Variants in CELSR3 observed in about 807,000 individuals in gnomAD.
The protein encoded by CELSR3 is EGF-like protein 1.
CELSR3 carries 73 observed loss-of-function variants against 270.0 expected under a neutral mutation model. That is an observed-to-expected ratio of 0.27 (90% CI 0.22 to 0.33). The LOEUF (loss-of-function observed/expected upper bound fraction) is 0.33. Among genes scored for constraint, CELSR3 ranks in the 10% least tolerant of loss-of-function variants. The pLI is 1.00. For synonymous variants in CELSR3, 1,780 were observed against 1,905.4 expected, an observed-to-expected ratio of 0.93 and a Z score of 1.71; for missense variants, 3,614 against 4,533.8, an observed-to-expected ratio of 0.80 and a Z score of 5.83.
Position 48,641,828 on chromosome 3 carries a change from A to C in CELSR3, c.8824+23T>G, listed in dbSNP as rs774848061. 1 of 1,442,210 alleles carries C rather than the reference A, an allele frequency of 6.9e-7. No individual in the cohort carries two copies. Among genetic ancestry groups the C allele is most frequent in the East Asian group, 2.5e-5 (1 of 39,390 alleles). 89.3% of individuals were successfully genotyped at this position (1,442,210 alleles called of 1,614,324 possible). ...AAATGGGGCATCCCTTGGTCACCCA[A>C]GGGGTCAGAGGGCGCCTGGCACCTT... On this transcript the variant is annotated intron_variant, in intron 32 of 34. Coordinates refer to ENST00000164024, the MANE Select transcript of CELSR3 (RefSeq NM_001407.3). The surrounding 1 kb of genome is among the most constrained non-coding windows in gnomAD (Gnocchi z 4.8).
chr3:48,646,843 G>C lies in CELSR3; in HGVS notation c.7215C>G (p.Ile2405Met). 1.9e-6 allele frequency: 3 copies of C among 1,601,664 alleles called. No individual in the cohort carries two copies. Among genetic ancestry groups the C allele is most frequent in the Non-Finnish European group, 2.6e-6 (3 of 1,175,602 alleles). The part of the protein sequence containing the change: ...PPAPPEPEPG[I>M]SIIILLVYRT... Reference sequence around the variant, plus strand: ...GGTAAACGAGGAGAATGATAATGGAGATCCCAGGCTCTGGCTCTGGCGGGG... The same window carrying C: ...GGTAAACGAGGAGAATGATAATGGACATCCCAGGCTCTGGCTCTGGCGGGG... The change falls in exon 21 of 35, where the codon ATC becomes ATG. Residue 2405 changes from isoleucine (I) to methionine (M), a missense_variant. By Grantham distance (10) the Ile-to-Met change is conservative. This residue lies in a region of CELSR3 where 1,240 missense variants were observed against 1,351.7 expected (regional missense o/e 0.92). Coordinates refer to ENST00000164024, the MANE Select transcript of CELSR3 (RefSeq NM_001407.3). The surrounding 1 kb of genome is among the most constrained non-coding windows in gnomAD (Gnocchi z 4.8).
Position 48,656,333 on chromosome 3 carries a change from G to A in CELSR3, c.4432C>T (p.Arg1478Cys), listed in dbSNP as rs771954970. 9 of 1,439,410 alleles carry A rather than the reference G, an allele frequency of 6.3e-6. No individual in the cohort carries two copies. The highest frequency in any genetic ancestry group is 8.1e-6 in the Non-Finnish European group (9 of 1,110,442). 89.2% of individuals were successfully genotyped at this position (1,439,410 alleles called of 1,614,324 possible). A position where few individuals can be genotyped will look rare whatever the true frequency, so the allele number is the denominator to read the frequency against. ...TTGCGGCAGACGCCCGGCACGCAGCGGCCGGCCTCGGTGTCCAGCTCGCAG... is the reference window on the plus strand; with the variant it reads ...TTGCGGCAGACGCCCGGCACGCAGCAGCCGGCCTCGGTGTCCAGCTCGCAG... ...EDCELDTEAG[R>C]CVPGVCRNGG... The change falls in exon 3 of 35, where the codon CGC becomes TGC. Residue 1478 changes from arginine to cysteine, a missense_variant. Around this residue, in one of 7 missense-constraint regions of CELSR3, gnomAD observed 1,331 missense variants for 1,933.7 expected, o/e 0.69. Coordinates refer to ENST00000164024, the MANE Select transcript of CELSR3 (RefSeq NM_001407.3).
At position 48,640,600 on chromosome 3, in the gene CELSR3, G is replaced by T. The variant is rs59207809; in HGVS notation, c.9026-41C>A. 1,504 of 1,495,482 alleles carry T rather than the reference G, an allele frequency of 1.0e-3. 16 individuals are homozygous for T. In the African/African-American group the frequency reaches 0.019, roughly 18 times the overall value. The allele number at this position is 1,495,482 out of a possible 1,614,324, so 92.6% of individuals were successfully genotyped here. On this transcript the variant is annotated intron_variant, in intron 33 of 34. Coordinates refer to ENST00000164024, the MANE Select transcript of CELSR3 (RefSeq NM_001407.3). The surrounding 1 kb of genome is among the most constrained non-coding windows in gnomAD (Gnocchi z 7.5). ...AATGGGGGGCAGGGTTTGTGTGGGA[G>T]GGGGAGGGCAGGCAGGAATTGCTGA...
Position 48,640,009 on chromosome 3 carries a change from G to A in CELSR3, c.9576C>T (p.Asp3192=). ...RDPLLPSRPL[D]SLSRSSNSRE... is the part of the protein sequence containing the mutation. ...GAGAGTTCGAGCTCCTAGACAGAGA[G>A]TCCAGCGGCCGGGATGGCAAGAGGG... The change falls in exon 34 of 35, where the codon GAC becomes GAT. Residue 3192 remains aspartate, a synonymous_variant. Transcript: ENST00000164024. The surrounding 1 kb of genome is among the most constrained non-coding windows in gnomAD (Gnocchi z 7.5). The A allele has an allele frequency of 1.2e-6, 2 of 1,612,308 alleles. No homozygotes were observed. Among genetic ancestry groups the A allele is most frequent in the Non-Finnish European group, 1.7e-6 (2 of 1,179,938 alleles).
Position 48,662,413 on chromosome 3 carries a change from C to T in CELSR3, c.222G>A (p.Gly74=), listed in dbSNP as rs2077075282. 3 of 1,612,766 alleles carry T rather than the reference C, an allele frequency of 1.9e-6. No homozygotes were observed. The highest frequency in any genetic ancestry group is 1.3e-5 in the African/African-American group (1 of 74,936). Residue 74 remains glycine, a synonymous_variant, in exon 1 of 35, where the codon GGG becomes GGA. Transcript: ENST00000164024. This position sits in a 1 kb window ranked among gnomAD's most constrained non-coding sequence, Gnocchi z 7.1. ...CPESSGVRED[G]GPGLGVREPI... The stretch of plus-strand genomic sequence containing the variant: ...GCTCCCTGACCCCCAGGCCAGGCCC[C>T]CCATCCTCCCGGACCCCGGAAGACT...
In CELSR3 at chr3:48,644,036, T is replaced by C. The variant is rs2047055084; in HGVS notation, c.8165+180A>G. 1 of 606,062 alleles carries C rather than the reference T, an allele frequency of 1.7e-6. No homozygotes were observed. Among genetic ancestry groups the C allele is most frequent in the Non-Finnish European group, 3.0e-6 (1 of 338,634 alleles). 37.5% of individuals were successfully genotyped at this position (606,062 alleles called of 1,614,324 possible). A position where few individuals can be genotyped will look rare whatever the true frequency, so the allele number is the denominator to read the frequency against. ...AGAGACAGCAGGGCAGAAGCACATG[T>C]GGGGCTACAGTATAGCGAGGGCGCC... On this transcript the variant is annotated intron_variant, in intron 27 of 34. Transcript: ENST00000164024. The surrounding 1 kb of genome is among the most constrained non-coding windows in gnomAD (Gnocchi z 4.8).
rs760170550 is a variant in CELSR3, at chr3:48,651,778, C to G, written c.5924-60G>C. 6.5e-7 allele frequency: 1 copy of G among 1,535,582 alleles called. No homozygotes were observed. Among genetic ancestry groups the G allele is most frequent in the African/African-American group, 1.4e-5 (1 of 72,270 alleles). The stretch of plus-strand genomic sequence containing the variant: ...CGCAGAGCATGGAAGGAAGCAGGCA[C>G]CCGTCCCGAGTCCCTGCCTCCTTCA... On this transcript the variant is annotated intron_variant, in intron 12 of 34. Transcript: ENST00000164024. The surrounding 1 kb of genome is among the most constrained non-coding windows in gnomAD (Gnocchi z 7.4).
rs1438420272 is a variant in CELSR3 at position 48,640,177 on chromosome 3, G to A, written c.9408C>T (p.Gly3136=). 4 of 1,612,704 alleles carry A rather than the reference G, an allele frequency of 2.5e-6. No homozygotes were observed. In the South Asian group the frequency reaches 4.4e-5, roughly 18 times the overall value. Reference sequence around the variant, plus strand: ...CGAGCGCATCCCGTGACCCGAAGCGGCCAGCCATGGCGCCAGGGTAGTCCC... The same window carrying A: ...CGAGCGCATCCCGTGACCCGAAGCGACCAGCCATGGCGCCAGGGTAGTCCC... ...PPRDYPGAMA[G]RFGSRDALDL... Residue 3136 remains glycine, a synonymous_variant, in exon 34 of 35, where the codon GGC becomes GGT. Transcript: ENST00000164024. The surrounding 1 kb of genome is among the most constrained non-coding windows in gnomAD (Gnocchi z 7.5).
Position 48,656,247 on chromosome 3 carries a change from G to A in CELSR3, c.4518C>T (p.Gly1506=). The A allele has an allele frequency of 6.5e-7, 1 of 1,534,082 alleles. No homozygotes were observed. ...CCTCGCAGCGCGGGCCCTCGAAGGC[G>A]CCGCCTGCCGGGCACTGGCAGCGAA... ...GGFRCQCPAG[G]AFEGPRCEVA... The change falls in exon 3 of 35, where the codon GGC becomes GGT. Residue 1506 remains glycine (G), a synonymous_variant. Coordinates refer to ENST00000164024, the MANE Select transcript of CELSR3 (RefSeq NM_001407.3).
In CELSR3 at chr3:48,658,153, G is replaced by A. The variant is rs1238228215; in HGVS notation, c.3748+734C>T. ...GGTCAATAAGGATAGACTGTTGAGT[G>A]AGTTGAGGGATAAATGAAGGTTGTG... is the stretch of plus-strand genomic sequence containing the variant. On this transcript the variant is annotated intron_variant, in intron 1 of 34. Coordinates refer to ENST00000164024, the MANE Select transcript of CELSR3 (RefSeq NM_001407.3). The surrounding 1 kb of genome is among the most constrained non-coding windows in gnomAD (Gnocchi z 4.7). 6.6e-6 allele frequency among the ~76,000 whole-genome samples: 1 copy of A among 152,222 alleles called. No homozygotes were observed. Among genetic ancestry groups the A allele is most frequent in the Admixed American group, 6.5e-5 (1 of 15,284 alleles).
In CELSR3 at chr3:48,661,734, G is replaced by A. The variant is rs1262245682; in HGVS notation, c.901C>T (p.Arg301Cys). 2 of 1,578,356 alleles carry A rather than the reference G, an allele frequency of 1.3e-6. No homozygotes were observed. Among genetic ancestry groups the A allele is most frequent in the Non-Finnish European group, 1.7e-6 (2 of 1,164,324 alleles). Residue 301 changes from arginine (R) to cysteine (C), a missense_variant, in exon 1 of 35, where the codon CGT becomes TGT. By Grantham distance (180) the Arg-to-Cys change is radical. Coordinates refer to ENST00000164024, the MANE Select transcript of CELSR3 (RefSeq NM_001407.3). ...GAGGTTACTTTCCTGGCTTCAGGAC[G>A]GGCCGGGAGTCCCGGGGGACGCGGC... ...PGPRPPGLPA[R>C]PEARKVTSAN...
At position 48,659,707 on chromosome 3, in the gene CELSR3, A is replaced by C; in HGVS notation, c.2928T>G (p.Pro976=). The part of the protein sequence containing the change: ...YTGLVSEDAP[P]FTSVLQISAT... Reference sequence around the variant, plus strand: ...CTGAGATCTGCAGGACACTGGTGAAAGGTGGGGCATCCTCAGAGACCAGCC... The same window carrying C: ...CTGAGATCTGCAGGACACTGGTGAACGGTGGGGCATCCTCAGAGACCAGCC... The change falls in exon 1 of 35, where the codon CCT becomes CCG. Residue 976 remains proline, a synonymous_variant. Transcript: ENST00000164024. This position sits in a 1 kb window ranked among gnomAD's most constrained non-coding sequence, Gnocchi z 8.1. 1 of 1,614,198 alleles carries C rather than the reference A, an allele frequency of 6.2e-7. No homozygotes were observed. The highest frequency in any genetic ancestry group is 1.3e-5 in the African/African-American group (1 of 75,046).
chr3:48,655,753 C>T lies in CELSR3; in HGVS notation c.4724G>A (p.Arg1575Gln), dbSNP rs1331274549. Residue 1575 changes from arginine to glutamine, a missense_variant, in exon 4 of 35, where the codon CGG (arginine) becomes CAG (glutamine). By Grantham distance (43) the Arg-to-Gln change is conservative. Transcript: ENST00000164024. The surrounding 1 kb of genome is among the most constrained non-coding windows in gnomAD (Gnocchi z 5.8). ...GCACCCACCCGTGGAATATGTGAGC[C>T]GCACTTGGCCAGCCACGAGTTCCAG... ...LALELVAGQV[R>Q]LTYSTGESNT... The T allele has an allele frequency of 2.5e-6, 4 of 1,613,656 alleles. No individual in the cohort carries two copies. Among genetic ancestry groups the T allele is most frequent in the African/African-American group, 1.3e-5 (1 of 75,018 alleles).
rs1195849293 is a variant in CELSR3 at position 48,658,949 on chromosome 3, C to T, written c.3686G>A (p.Arg1229Gln). Residue 1229 changes from arginine (R) to glutamine (Q), a missense_variant, in exon 1 of 35, where the codon CGA (arginine) becomes CAA (glutamine). Physicochemically the swap from Arg to Gln is conservative, Grantham distance 43. Around this residue, in one of 7 missense-constraint regions of CELSR3, gnomAD observed 1,331 missense variants for 1,933.7 expected, o/e 0.69. Transcript: ENST00000164024. This position sits in a 1 kb window ranked among gnomAD's most constrained non-coding sequence, Gnocchi z 4.7. ...LVVNQTSGEL[R>Q]LSRKLDNNRP... ...GTTATTGTCTAGCTTTCGGCTGAGTCGCAGCTCCCCACTGGTCTGGTTGAC... is the reference window on the plus strand; with the variant it reads ...GTTATTGTCTAGCTTTCGGCTGAGTTGCAGCTCCCCACTGGTCTGGTTGAC... The T allele has an allele frequency of 1.2e-5, 20 of 1,614,026 alleles. No individual in the cohort carries two copies. Among genetic ancestry groups the T allele is most frequent in the African/African-American group, 1.1e-4 (8 of 74,908 alleles).
At position 48,654,253 on chromosome 3, in the gene CELSR3, G is replaced by A. The variant is rs1426914919; in HGVS notation, c.5152+36C>T. The A allele has an allele frequency of 1.2e-6, 2 of 1,612,826 alleles. No homozygotes were observed. The highest frequency in any genetic ancestry group is 1.7e-5 in the Admixed American group (1 of 59,982). ...CACTTCCTCCCTATGATGGGGACAG[G>A]GCCATGGGCTAGGCTGGTGGAAGCT... On this transcript the variant is annotated intron_variant, in intron 7 of 34. Coordinates refer to ENST00000164024, the MANE Select transcript of CELSR3 (RefSeq NM_001407.3). The surrounding 1 kb of genome is among the most constrained non-coding windows in gnomAD (Gnocchi z 5.4).
chr3:48,646,542 C>G lies in CELSR3; in HGVS notation c.7295+221G>C, dbSNP rs574367370. Among the ~76,000 whole-genome samples, 65 of 152,362 alleles carry G rather than the reference C, an allele frequency of 4.3e-4. No homozygotes were observed. The highest frequency in any genetic ancestry group is 1.4e-3 in the Admixed American group (21 of 15,302). On this transcript the variant is annotated intron_variant, in intron 21 of 34. Transcript: ENST00000164024. The surrounding 1 kb of genome is among the most constrained non-coding windows in gnomAD (Gnocchi z 4.8). ...AGCCCTTTGGTCTGTCTGTACCTGG[C>G]TCATGGATCCCTCCTGTGTGTGGCT...
At position 48,648,887 on chromosome 3, in the gene CELSR3, C is replaced by T; in HGVS notation, c.6609G>A (p.Met2203Ile). The change falls in exon 18 of 35, where the codon ATG (methionine) becomes ATA (isoleucine). Residue 2203 changes from methionine to isoleucine, a missense_variant. Physicochemically the swap from Met to Ile is conservative, Grantham distance 10. Transcript: ENST00000164024. The part of the protein sequence containing the change: ...LELNKTALDT[M>I]EAKKLAQRLR... ...GCCGCTGAGCCAGCTTCTTGGCCTC[C>T]ATGGTATCCAGTGCCGTCTTGTTCA... The T allele has an allele frequency of 6.2e-7, 1 of 1,612,874 alleles. No individual in the cohort carries two copies. Among genetic ancestry groups the T allele is most frequent in the Non-Finnish European group, 8.5e-7 (1 of 1,180,002 alleles).
At position 48,655,526 on chromosome 3, in the gene CELSR3, C is replaced by G; in HGVS notation, c.4742-132G>C. On this transcript the variant is annotated intron_variant, in intron 4 of 34. Coordinates refer to ENST00000164024, the MANE Select transcript of CELSR3 (RefSeq NM_001407.3). This position sits in a 1 kb window ranked among gnomAD's most constrained non-coding sequence, Gnocchi z 5.8. ...GTCCCCCCACTGGTGACCACAATGG[C>G]TGGCTCAGAGTGCCTTTGAACAGAC... 1.0e-6 allele frequency: 1 copy of G among 995,332 alleles called. No individual in the cohort carries two copies. The highest frequency in any genetic ancestry group is 2.2e-4 in the Middle Eastern group (1 of 4,642). The allele number at this position is 995,332 out of a possible 1,614,324, so 61.7% of individuals were successfully genotyped here. A position where few individuals can be genotyped will look rare whatever the true frequency, so the allele number is the denominator to read the frequency against.
At position 48,646,101 on chromosome 3, in the gene CELSR3, G is replaced by A; in HGVS notation, c.7452C>T (p.Asp2484=). ...ATGGGGGTCCTCACAGGCCAGGTGG[G>A]TCCCACTGCACACAGATCGCCTTGC... ...NRSKAICVQW[D]PPGLAEQHGV... is the part of the protein sequence containing the mutation. Residue 2484 remains aspartate (D), a synonymous_variant, in exon 22 of 35, where the codon GAC becomes GAT. Coordinates refer to ENST00000164024, the MANE Select transcript of CELSR3 (RefSeq NM_001407.3). The surrounding 1 kb of genome is among the most constrained non-coding windows in gnomAD (Gnocchi z 4.8). 1 of 1,612,686 alleles carries A rather than the reference G, an allele frequency of 6.2e-7. No individual in the cohort carries two copies. The highest frequency in any genetic ancestry group is 8.5e-7 in the Non-Finnish European group (1 of 1,179,776).
Sources: allele counts gnomAD v4.1 joint callset (sites outside exome capture counted in the v4.1 genomes callset), GRCh38; gene constraint gnomAD v4.1.1; regional missense constraint gnomAD v4.1.1; non-coding constraint Gnocchi (gnomAD v3.1); transcripts MANE v1.5; gene names NCBI Gene and HGNC (gene_info 2026-07-23, HGNC 2026-07-21).